The following RPS6KA2 variants were observed in gnomAD, a reference collection of about 807,000 sequenced individuals.
RPS6KA2 encodes the protein ribosomal protein S6 kinase alpha-2.
RPS6KA2 carries 42 observed loss-of-function variants against 91.8 expected under a neutral mutation model. The ratio of observed to expected loss-of-function variants is 0.46; its 90% CI spans 0.36 to 0.59. The LOEUF is 0.59. RPS6KA2 is among the 20% of genes least tolerant of loss of function. RPS6KA2 has a pLI of 0.00. For missense variants in RPS6KA2, 798 were observed against 978.5 expected, an observed-to-expected ratio of 0.82 and a Z score of 2.46; for synonymous variants, 414 against 393.6, an observed-to-expected ratio of 1.05 and a Z score of -0.61.
At chr6:166,596,699 G>A (rs1785545708) in intron 1 of RPS6KA2, among the ~76,000 whole-genome samples, 1 of 152,080 alleles carries the variant, frequency 6.6e-6, no homozygotes, top group South Asian at 2.1e-4. Context: ...GCCTATAGTG[G>A]GACTTTACCT....
At position 166,644,619 on chromosome 6, in the gene RPS6KA2, G is replaced by A. The variant is rs80087172; in HGVS notation, c.124-105835C>T. 1.9e-3 allele frequency among the ~76,000 whole-genome samples: 295 copies of A among 152,258 alleles called. 1 individual carries two copies. The highest frequency in any genetic ancestry group is 6.3e-3 in the African/African-American group (262 of 41,534). On this transcript the variant is annotated intron_variant, in intron 2 of 21. Coordinates refer to the RPS6KA2 transcript ENST00000503859. Reference sequence around the variant, plus strand: ...TTTGGCTTAGACGTATTTTAAATAAGGGCCCATACATATTAAAAAGTAAAG... The same window carrying A: ...TTTGGCTTAGACGTATTTTAAATAAAGGCCCATACATATTAAAAAGTAAAG...
At chr6:166,413,080 G>A (rs560401006) in intron 20 of RPS6KA2, among the ~76,000 whole-genome samples, 193 bp from the exon 21 acceptor site, 22 of 152,096 alleles carry the variant, frequency 1.4e-4, no homozygotes, top group Non-Finnish European at 2.5e-4. Flanking sequence ...AGGAGACAGG[G>A]GCCCTGTCTC....
intron 2 of RPS6KA2, among the ~76,000 whole-genome samples, chr6:166,740,666 T>C (rs1790787487): frequency 1.3e-5 from 2 of 152,248 alleles, no homozygotes; most frequent in Non-Finnish European, 2.9e-5. Flanking sequence ...TCTTTGAAGA[T>C]GTTTGCAGCA....
At position 166,508,802 on chromosome 6, in the gene RPS6KA2, A is replaced by G. The variant is rs2128481995; in HGVS notation, c.380-520T>C. Among the ~76,000 whole-genome samples the G allele has an allele frequency of 6.6e-6, 1 of 152,316 alleles. No individual in the cohort carries two copies. Among genetic ancestry groups the G allele is most frequent in the African/African-American group, 2.4e-5 (1 of 41,576 alleles). On this transcript the variant is annotated intron_variant, in intron 4 of 20. Transcript: ENST00000265678. The surrounding 1 kb of genome is among the most constrained non-coding windows in gnomAD (Gnocchi z 4.3). ...GGTCAGCCCAGTTATTTGAACATCA[A>G]CAATGGGGCTCACGTCCTAGGTCTG... is the stretch of plus-strand genomic sequence containing the variant.
At chr6:166,673,328 C>G (rs578153121) in intron 2 of RPS6KA2, among the ~76,000 whole-genome samples, 1 of 146,606 alleles carries the variant, frequency 6.8e-6, no homozygotes, top group Non-Finnish European at 1.6e-5. Flanking sequence ...GGGTGCAGAG[C>G]AGTCTTGTCC....
At chr6:166,524,454 C>T (rs910220624) in intron 3 of RPS6KA2, among the ~76,000 whole-genome samples, 4 of 152,050 alleles carry the variant, frequency 2.6e-5, no homozygotes, top group South Asian at 2.1e-4. Context: ...GTGCAGGCAC[C>T]GGCCATCTTT....
At chr6:166,855,344 C>CGAA (rs71032879) in intron 2 of RPS6KA2, among the ~76,000 whole-genome samples, 109,376 of 147,846 alleles carry the variant, frequency 0.74, 45,193 homozygotes, top group Non-Finnish European at 0.92. Context: ...ACGAAGAAGA[C>CGAA]GAAGAAGACA....
At chr6:166,627,716 C>G (rs1186148719), upstream of RPS6KA2, 1 of 152,288 alleles carries the variant, frequency 6.6e-6, no homozygotes, top group Non-Finnish European at 1.5e-5. Flanking sequence ...GCGGGCGTTC[C>G]TGTCACGCAA....
chr6:166,716,255 C>T lies in RPS6KA2; in HGVS notation c.123+141945G>A, dbSNP rs566068941. Among the ~76,000 whole-genome samples, 5 of 152,178 alleles carry T rather than the reference C, an allele frequency of 3.3e-5. No individual in the cohort carries two copies. In the East Asian group the frequency reaches 7.7e-4, roughly 23 times the overall value. ...CCAAGCCTCTAAATAAAGACCAAACCGCTTCTAATATTGAACATGGAAATA... is the reference window on the plus strand; with the variant it reads ...CCAAGCCTCTAAATAAAGACCAAACTGCTTCTAATATTGAACATGGAAATA... On this transcript the variant is annotated intron_variant, in intron 2 of 21. Coordinates refer to the RPS6KA2 transcript ENST00000503859.
chr6:166,627,139 A>G lies in RPS6KA2; in HGVS notation c.-120T>C. The G allele has an allele frequency of 8.8e-7, 1 of 1,138,990 alleles. No individual in the cohort carries two copies. The highest frequency in any genetic ancestry group is 1.1e-6 in the Non-Finnish European group (1 of 928,608). 70.6% of individuals were successfully genotyped at this position (1,138,990 alleles called of 1,614,324 possible). A position where few individuals can be genotyped will look rare whatever the true frequency, so the allele number is the denominator to read the frequency against. On this transcript the variant is annotated 5_prime_UTR_variant, in exon 1 of 21. It removes an upstream start codon present in the reference 5' UTR. Coordinates refer to ENST00000265678, the MANE Select transcript of RPS6KA2 (RefSeq NM_021135.6). ...GGCCAGGGAGCCCGGCACGGCGGCC[A>G]TGGGCGCGGGGCGTGGGGCGCGAGC...
chr6:166,619,014 C>T (rs1786523306), intron 1 of RPS6KA2, among the ~76,000 whole-genome samples: 1 of 150,148 alleles, frequency 6.7e-6, no homozygotes, highest in Non-Finnish European at 1.5e-5. Context: ...CCATCAGATT[C>T]GCGCACCAGC....
At chr6:166,571,544 A>G (rs940084469) in intron 1 of RPS6KA2, among the ~76,000 whole-genome samples, 1 of 152,272 alleles carries the variant, frequency 6.6e-6, no homozygotes, top group Non-Finnish European at 1.5e-5. Context: ...TGCGCGTTCT[A>G]GCACTCCAAA....
intron 2 of RPS6KA2, among the ~76,000 whole-genome samples, chr6:166,843,716 G>A (rs1354534046): frequency 2.0e-5 from 3 of 152,134 alleles, no homozygotes. Flanking sequence ...CCTAGGGGAA[G>A]GGGGAGAACA....
intron 8 of RPS6KA2, among the ~76,000 whole-genome samples, chr6:166,491,188 G>C (rs1021691092): frequency 6.6e-6 from 1 of 152,194 alleles, no homozygotes; most frequent in Non-Finnish European, 1.5e-5. Context: ...GTGGGGGCTA[G>C]AGTGCTTCCA....
rs145279087 is a variant in RPS6KA2, at chr6:166,661,098, C to CTTTTTCT, written c.124-122321_124-122315dup. ...AACTGCCAATTTGTATGGCCAAAAT[C>CTTTTTCT]TTTTTCTTTTTGTTGTTGTTGAGAC... On this transcript the variant is annotated intron_variant, in intron 2 of 21. Coordinates refer to the RPS6KA2 transcript ENST00000503859. Among the ~76,000 whole-genome samples, 21 of 151,772 alleles carry CTTTTTCT rather than the reference C, an allele frequency of 1.4e-4. No individual in the cohort carries two copies. In the South Asian group the frequency reaches 3.8e-3, roughly 27 times the overall value.
At chr6:166,621,009 A>G (rs1786606541) in intron 1 of RPS6KA2, among the ~76,000 whole-genome samples, 1 of 152,196 alleles carries the variant, frequency 6.6e-6, no homozygotes, top group Non-Finnish European at 1.5e-5. Flanking sequence ...TCCTACCTCC[A>G]CGGGGCAAGG....
rs1161933289 is a variant in RPS6KA2, at chr6:166,412,992, G to T, written c.2077-105C>A. ...TCAGCTGCCCCCAGGCAACGTGGGA[G>T]AAACCAGAGCTTCCCCAGGGTCCCT... On this transcript the variant is annotated intron_variant, in intron 20 of 20. Transcript: ENST00000265678. This position sits in a 1 kb window ranked among gnomAD's most constrained non-coding sequence, Gnocchi z 4.3. 1 of 1,241,500 alleles carries T rather than the reference G, an allele frequency of 8.1e-7. No individual in the cohort carries two copies. Among genetic ancestry groups the T allele is most frequent in the Non-Finnish European group, 1.1e-6 (1 of 923,684 alleles). 76.9% of individuals were successfully genotyped at this position (1,241,500 alleles called of 1,614,324 possible).
At chr6:166,670,211 C>T (rs1294606865) in intron 2 of RPS6KA2, among the ~76,000 whole-genome samples, 1 of 152,268 alleles carries the variant, frequency 6.6e-6, no homozygotes, top group Non-Finnish European at 1.5e-5. Flanking sequence ...CACACTCATC[C>T]TTCACCGGTC....
At chr6:166,617,111 C>T (rs1786444299) in intron 1 of RPS6KA2, among the ~76,000 whole-genome samples, 1 of 152,218 alleles carries the variant, frequency 6.6e-6, no homozygotes, top group African/African-American at 2.4e-5. Flanking sequence ...AGTCATTCAT[C>T]ACAGAAACTC....
Sources: allele counts gnomAD v4.1 joint callset (sites outside exome capture counted in the v4.1 genomes callset), GRCh38; gene constraint gnomAD v4.1.1; non-coding constraint Gnocchi (gnomAD v3.1); transcripts MANE v1.5; gene names NCBI Gene and HGNC (gene_info 2026-07-23, HGNC 2026-07-21).